Variants in PKD1L3 observed in about 807,000 individuals in gnomAD.
PKD1L3 encodes polycystin 1 like 3, transient receptor potential channel interacting.
Under a neutral mutation model 184.1 loss-of-function variants are expected in PKD1L3, and 239 were observed. The observed-to-expected ratio is 1.30, with a 90% CI of 1.17 to 1.45. The LOEUF (loss-of-function observed/expected upper bound fraction) is 1.45. Ranked by LOEUF, PKD1L3 falls within the 40% of genes most tolerant of loss-of-function variation. PKD1L3 has a pLI of 0.00. For synonymous variants in PKD1L3, 996 were observed against 778.8 expected (o/e 1.28, Z -4.64); for missense variants, 2,660 against 2,067.2 (o/e 1.29, Z -5.56).
intron 10 of PKD1L3, 109 bp downstream of exon 10, chr16:71,978,146 T>A (rs2040000315): frequency 8.0e-7 from 1 of 1,257,068 alleles, no homozygotes; most frequent in East Asian, 2.8e-5. Context: ...AACAAAACAA[T>A]GGCACTGCCA....
At position 71,974,555 on chromosome 16, in the gene PKD1L3, G is replaced by A. The variant is rs563331690; in HGVS notation, c.1760-1038C>T. 5.9e-5 allele frequency among the ~76,000 whole-genome samples: 9 copies of A among 152,270 alleles called. No homozygotes were observed. The South Asian group carries it at 1.9e-3, about 32-fold the overall frequency. ...AAATTAGCCAGGCATGGTGGCATATGCGCCTGCAGTCCCAGCTGCTTGGGA... is the reference window on the plus strand; with the variant it reads ...AAATTAGCCAGGCATGGTGGCATATACGCCTGCAGTCCCAGCTGCTTGGGA... On this transcript the variant is annotated intron_variant, in intron 11 of 29. Coordinates refer to ENST00000620267, the MANE Select transcript of PKD1L3 (RefSeq NM_181536.2).
intron 19 of PKD1L3, among the ~76,000 whole-genome samples, chr16:71,951,003 A>T (rs1158441006): frequency 6.6e-6 from 1 of 151,292 alleles, no homozygotes; most frequent in African/African-American, 2.4e-5. Context: ...TTGGCCTCCC[A>T]AAATGCTGGG....
chr16:71,969,653 G>T (rs1310368455), intron 13 of PKD1L3, among the ~76,000 whole-genome samples: 2 of 151,432 alleles, frequency 1.3e-5, no homozygotes, highest in African/African-American at 4.9e-5. Flanking sequence ...AAGGAGTCCT[G>T]CAAGGTCCAA....
Position 72,000,084 on chromosome 16 carries a change from T to C in PKD1L3, c.-106A>G, listed in dbSNP as rs1440917292. On this transcript the variant is annotated 5_prime_UTR_variant, in exon 1 of 30. Transcript: ENST00000620267. ...CTTATTAGTATTATTCTTTTATGAATTGGGAACAATTTACCAAGGATACAA... is the reference window on the plus strand; with the variant it reads ...CTTATTAGTATTATTCTTTTATGAACTGGGAACAATTTACCAAGGATACAA... The C allele has an allele frequency of 1.6e-5, 15 of 963,096 alleles. No homozygotes were observed. The highest frequency in any genetic ancestry group is 1.2e-4 in the African/African-American group (7 of 59,110). The allele number at this position is 963,096 out of a possible 1,614,324, so 59.7% of individuals were successfully genotyped here. A position where few individuals can be genotyped will look rare whatever the true frequency, so the allele number is the denominator to read the frequency against.
chr16:71,970,105 C>T lies in PKD1L3; in HGVS notation c.1954G>A (p.Val652Ile), dbSNP rs779537538. The T allele has an allele frequency of 2.6e-6, 4 of 1,550,614 alleles. No homozygotes were observed. In the African/African-American group the frequency reaches 5.5e-5, roughly 21 times the overall value. The change falls in exon 13 of 30, where the codon GTT becomes ATT. Residue 652 changes from valine to isoleucine, a missense_variant and splice_region_variant. Transcript: ENST00000620267. ...NQTWSSAGCQ[V>I]GPQSTILRTQ... ...CTCAGAATTGTGCTCTGTGGCCCAA[C>T]CTGGAATTAGAATCAAGACGTTGAT...
At chr16:71,977,064 T>C (rs756816083) in intron 11 of PKD1L3, among the ~76,000 whole-genome samples, 172 bp downstream of exon 11, 1 of 152,110 alleles carries the variant, frequency 6.6e-6, no homozygotes, top group African/African-American at 2.4e-5. Context: ...TTTTAAGAAA[T>C]TAGCCAGATG....
At chr16:71,975,940 T>C (rs2039901962) in intron 11 of PKD1L3, among the ~76,000 whole-genome samples, 1 of 143,710 alleles carries the variant, frequency 7.0e-6, no homozygotes, top group Non-Finnish European at 1.5e-5. Context: ...ATGAGAGGTA[T>C]ACAAGCTGTT....
intron 21 of PKD1L3, among the ~76,000 whole-genome samples, chr16:71,949,321 CAAATGTCAGTT>C (rs956769562): frequency 2.1e-4 from 31 of 147,936 alleles, no homozygotes; most frequent in African/African-American, 6.9e-4. Flanking sequence ...TTATCCCTAA[CAAATGTCAGTT>C]AAATGTCAGT....
At chr16:71,968,045 C>T in intron 13 of PKD1L3, 38 bp from the exon 14 acceptor site, 19 of 1,481,076 alleles carry the variant, frequency 1.3e-5, no homozygotes, top group Non-Finnish European at 1.7e-5. Flanking sequence ...TACTAGGCCT[C>T]CACTTGGTAT....
intron 24 of PKD1L3, among the ~76,000 whole-genome samples, chr16:71,941,319 A>C: frequency 6.6e-6 from 1 of 152,132 alleles, no homozygotes; most frequent in South Asian, 2.1e-4. Context: ...ACTATGAAAA[A>C]AACAATTTGG....
rs1033737855 is a variant in PKD1L3, at chr16:71,968,063, G to A, written c.2185-56C>T. 6.5e-6 allele frequency: 9 copies of A among 1,383,618 alleles called. No homozygotes were observed. In the Admixed American group the frequency reaches 1.9e-4, roughly 29 times the overall value. 85.7% of individuals were successfully genotyped at this position (1,383,618 alleles called of 1,614,324 possible). On this transcript the variant is annotated intron_variant, in intron 13 of 29. Coordinates refer to ENST00000620267, the MANE Select transcript of PKD1L3 (RefSeq NM_181536.2). ...TAGGCCTCCACTTGGTATAGTTCCT[G>A]CCTCCTCCAGCTGAGGAGCAGGAGG...
chr16:71,937,301 G>C lies in PKD1L3; in HGVS notation c.4443C>G (p.Ala1481=), dbSNP rs943093790. ...VIYYLLVCYY[A]FIQGCQLKQQ... Reference sequence around the variant, plus strand: ...AACATTATTGACTCACCTGTATGAAGGCATAGTAACAGACCAGTAGATAAT... The same window carrying C: ...AACATTATTGACTCACCTGTATGAACGCATAGTAACAGACCAGTAGATAAT... The change falls in exon 25 of 30, where the codon GCC becomes GCG. Residue 1481 remains alanine, a synonymous_variant. Coordinates refer to ENST00000620267, the MANE Select transcript of PKD1L3 (RefSeq NM_181536.2). The C allele has an allele frequency of 2.6e-6, 4 of 1,551,042 alleles. No homozygotes were observed. Among genetic ancestry groups the C allele is most frequent in the Admixed American group, 2.0e-5 (1 of 50,904 alleles).
intron 19 of PKD1L3, 51 bp from the exon 20 acceptor site, chr16:71,950,361 G>A: frequency 7.1e-7 from 1 of 1,414,732 alleles, no homozygotes; most frequent in Non-Finnish European, 9.5e-7. Flanking sequence ...TCAATAAGAA[G>A]CAATTAGTGG....
intron 11 of PKD1L3, among the ~76,000 whole-genome samples, chr16:71,976,280 T>TAAAAAAAAAAAAAAAAAAAAAAA (rs2039921134): frequency 1.4e-5 from 2 of 147,932 alleles, no homozygotes; most frequent in Non-Finnish European, 3.0e-5. Flanking sequence ...TTTTTTTTTT[T>TAAAAAAAAAAAAAAAAAAAAAAA]AAGACAGTCT....
intron 9 of PKD1L3, among the ~76,000 whole-genome samples, chr16:71,979,275 C>T (rs1274100015): frequency 6.6e-6 from 1 of 152,132 alleles, no homozygotes; most frequent in African/African-American, 2.4e-5. Flanking sequence ...GAAACCCCGC[C>T]TCTACTAAAA....
chr16:71,978,611 C>G (rs1014711778), intron 9 of PKD1L3, among the ~76,000 whole-genome samples: 1 of 150,772 alleles, frequency 6.6e-6, no homozygotes, highest in African/African-American at 2.4e-5. Context: ...ACAACCTCAG[C>G]TCACTGCAAT....
At chr16:71,959,441 A>C (rs1567515252) in intron 16 of PKD1L3, among the ~76,000 whole-genome samples, 1 of 152,178 alleles carries the variant, frequency 6.6e-6, no homozygotes, top group Admixed American at 6.6e-5. Flanking sequence ...AACAAACAAA[A>C]AACAAAGAAT....
At chr16:71,944,219 C>T (rs2038472437) in intron 22 of PKD1L3, 49 bp from the exon 23 acceptor site, 5 of 1,477,958 alleles carry the variant, frequency 3.4e-6, no homozygotes, top group East Asian at 4.9e-5. Context: ...TTTCATTAAG[C>T]AGTCACTCAC....
chr16:71,944,982 T>TA (rs1382623018), intron 22 of PKD1L3, among the ~76,000 whole-genome samples: 1 of 150,918 alleles, frequency 6.6e-6, no homozygotes. Flanking sequence ...AAACATATAT[T>TA]AAAAAAAGAA....
Sources: gnomAD v4.1 joint callset for allele counts (sites outside exome capture counted in the v4.1 genomes callset) on GRCh38, gnomAD v4.1.1 for gene constraint, MANE v1.5 for transcripts, NCBI Gene and HGNC (gene_info 2026-07-23, HGNC 2026-07-21) for gene names.